The following DLG2 variants were observed in gnomAD, a reference collection of about 807,000 sequenced individuals.
DLG2 encodes disks large homolog 2.
A neutral mutation model predicts 132.5 loss-of-function variants in DLG2; 45 were observed. That is an observed-to-expected ratio of 0.34 (90% CI 0.27 to 0.44). DLG2 has a LOEUF of 0.44. Among genes scored for constraint, DLG2 ranks in the 20% least tolerant of loss-of-function variants. The pLI, the probability that DLG2 is intolerant of heterozygous loss-of-function variation, is 1.00. For missense variants in DLG2, 1,045 were observed against 1,196.9 expected, an observed-to-expected ratio of 0.87 and a Z score of 1.87; for synonymous variants, 424 against 419.6, an observed-to-expected ratio of 1.01 and a Z score of -0.13.
intron 9 of DLG2, among the ~76,000 whole-genome samples, chr11:84,110,349 C>T (rs1210689075): frequency 6.6e-6 from 1 of 152,142 alleles, no homozygotes; most frequent in Non-Finnish European, 1.5e-5. Flanking sequence ...ACCCTCCCCA[C>T]ACCCCAGAGA....
intron 18 of DLG2, among the ~76,000 whole-genome samples, chr11:83,710,771 G>A (rs1384405347): frequency 6.6e-6 from 1 of 152,130 alleles, no homozygotes; most frequent in African/African-American, 2.4e-5. Flanking sequence ...CAAATCCTAT[G>A]TATTTTTCTA....
intron 6 of DLG2, among the ~76,000 whole-genome samples, chr11:85,050,983 T>C (rs1056874922): frequency 6.6e-6 from 1 of 152,142 alleles, no homozygotes; most frequent in African/African-American, 2.4e-5. Context: ...GCATCATTAA[T>C]GCCACAATGA....
intron 6 of DLG2, among the ~76,000 whole-genome samples, chr11:84,751,451 C>T (rs1597308726): frequency 6.6e-6 from 1 of 152,028 alleles, no homozygotes; most frequent in East Asian, 1.9e-4. Context: ...TTTAGGAGTG[C>T]AAAGGCCAGG....
intron 2 of DLG2, among the ~76,000 whole-genome samples, chr11:85,607,588 T>C (rs545769722): frequency 6.6e-6 from 1 of 152,294 alleles, no homozygotes; most frequent in South Asian, 2.1e-4. Context: ...TGATTTCTAG[T>C]ATAAACTCCA....
chr11:84,116,969 C>T (rs994196861), intron 9 of DLG2, among the ~76,000 whole-genome samples: 3 of 152,286 alleles, frequency 2.0e-5, no homozygotes, highest in East Asian at 1.9e-4. Context: ...TCCACTTAAG[C>T]GTCACCTAAT....
intron 3 of DLG2, among the ~76,000 whole-genome samples, chr11:85,576,230 A>G (rs1311295367): frequency 7.2e-5 from 11 of 152,200 alleles, no homozygotes; most frequent in African/African-American, 2.7e-4. Flanking sequence ...AACCTCAAAA[A>G]GGAACAGAAC....
At chr11:85,490,806 T>C (rs2093540999) in intron 3 of DLG2, among the ~76,000 whole-genome samples, 2 of 151,948 alleles carry the variant, frequency 1.3e-5, no homozygotes, top group Non-Finnish European at 2.9e-5. Context: ...GAATCACTAA[T>C]TTAAAAAACT....
intron 3 of DLG2, among the ~76,000 whole-genome samples, chr11:85,401,791 A>G (rs867274572): frequency 6.6e-6 from 1 of 152,208 alleles, no homozygotes; most frequent in Non-Finnish European, 1.5e-5. Flanking sequence ...AAGGATGTGA[A>G]GGACCTCTTC....
chr11:84,855,749 G>A (rs1257584994), intron 6 of DLG2, among the ~76,000 whole-genome samples: 1 of 152,146 alleles, frequency 6.6e-6, no homozygotes, highest in East Asian at 1.9e-4. Flanking sequence ...CTGAGTGACT[G>A]TTCTGAATAA....
At chr11:85,400,841 G>C (rs1228888892) in intron 3 of DLG2, among the ~76,000 whole-genome samples, 3 of 151,356 alleles carry the variant, frequency 2.0e-5, no homozygotes, top group Non-Finnish European at 4.4e-5. Context: ...TAAATGACGA[G>C]TTAATGAGTG....
At chr11:83,934,375 A>G (rs2081006603) in intron 14 of DLG2, among the ~76,000 whole-genome samples, 1 of 151,872 alleles carries the variant, frequency 6.6e-6, no homozygotes, top group African/African-American at 2.4e-5. Flanking sequence ...GTTCATTATA[A>G]ATTCTTTTGC....
chr11:85,205,505 A>G (rs1173905888), intron 4 of DLG2, among the ~76,000 whole-genome samples: 1 of 152,142 alleles, frequency 6.6e-6, no homozygotes, highest in Non-Finnish European at 1.5e-5. Context: ...ACACTCATTC[A>G]TTGTGTATGT....
intron 6 of DLG2, among the ~76,000 whole-genome samples, chr11:84,951,351 T>C (rs1221707036): frequency 1.3e-5 from 2 of 152,134 alleles, no homozygotes; most frequent in South Asian, 2.1e-4. Context: ...AACTTCACAA[T>C]TGAGAGAGCA....
At chr11:85,152,100 C>T (rs2077295314) in intron 5 of DLG2, among the ~76,000 whole-genome samples, 1 of 152,076 alleles carries the variant, frequency 6.6e-6, no homozygotes, top group Non-Finnish European at 1.5e-5. Flanking sequence ...TTAGAAGGTG[C>T]AGCTATTTAA....
intron 6 of DLG2, among the ~76,000 whole-genome samples, chr11:84,737,596 T>G (rs1221707408): frequency 6.6e-6 from 1 of 151,676 alleles, no homozygotes; most frequent in African/African-American, 2.4e-5. Context: ...GTGGGGGATG[T>G]GATATTATAT....
chr11:84,113,738 A>G (rs1034634191), intron 9 of DLG2, among the ~76,000 whole-genome samples: 6 of 152,230 alleles, frequency 3.9e-5, no homozygotes, highest in Non-Finnish European at 8.8e-5. Flanking sequence ...AATACATATT[A>G]TACAAAAATA....
At chr11:84,722,367 T>C (rs1476506263) in intron 6 of DLG2, among the ~76,000 whole-genome samples, 1 of 152,146 alleles carries the variant, frequency 6.6e-6, no homozygotes, top group Non-Finnish European at 1.5e-5. Context: ...AGCCTCAATA[T>C]CATGGTATGC....
chr11:84,510,674 G>A (rs1351371892), intron 7 of DLG2, among the ~76,000 whole-genome samples: 1 of 152,078 alleles, frequency 6.6e-6, no homozygotes, highest in African/African-American at 2.4e-5. Context: ...CTAATTGGTT[G>A]TGTTATTTAC....
intron 6 of DLG2, among the ~76,000 whole-genome samples, chr11:84,867,197 C>A (rs2084701918): frequency 6.6e-6 from 1 of 152,132 alleles, no homozygotes; most frequent in Non-Finnish European, 1.5e-5. Flanking sequence ...CATACAGAAA[C>A]AAAATCAACC....
Sources: gnomAD v4.1 joint callset for allele counts (sites outside exome capture counted in the v4.1 genomes callset) on GRCh38, gnomAD v4.1.1 for gene constraint, MANE v1.5 for transcripts, NCBI Gene and HGNC (gene_info 2026-07-23, HGNC 2026-07-21) for gene names.